Variants in ABCA3 observed in about 807,000 individuals in gnomAD.
ABCA3 encodes the protein ATP binding cassette subfamily A member 3, also known as phospholipid-transporting ATPase ABCA3.
A neutral mutation model predicts 172.8 loss-of-function variants in ABCA3; 88 were observed. The ratio of observed to expected loss-of-function variants is 0.51; its 90% CI spans 0.43 to 0.61. The LOEUF is 0.61. Among genes scored for constraint, ABCA3 ranks in the 20% least tolerant of loss-of-function variants. The probability of loss-of-function intolerance (pLI) is 0.00; values close to 1 mark genes in which losing one functional copy is unlikely to be tolerated. For missense variants in ABCA3, 2,164 were observed against 2,301.0 expected, an observed-to-expected ratio of 0.94 and a Z score of 1.22; for synonymous variants, 1,066 against 983.8, an observed-to-expected ratio of 1.08 and a Z score of -1.56.
chr16:2,319,070 T>C (rs34158278), intron 8 of ABCA3, among the ~76,000 whole-genome samples: 12,779 of 151,928 alleles, frequency 0.084, 1,694 homozygotes, highest in African/African-American at 0.28. Context: ...AGCCTCAAAA[T>C]GAGCCCCTAG....
chr16:2,285,856 T>C lies in ABCA3; in HGVS notation c.3279-210A>G, dbSNP rs2093662310. ...CTCTGGAATTCCTATGCTGACCATG[T>C]GACAATGGCAGCGTCACTCTCCCTC... On this transcript the variant is annotated intron_variant, in intron 22 of 32. Coordinates refer to ENST00000301732, the MANE Select transcript of ABCA3 (RefSeq NM_001089.3). This position sits in a 1 kb window ranked among gnomAD's most constrained non-coding sequence, Gnocchi z 4.7. 1.3e-5 allele frequency among the ~76,000 whole-genome samples: 2 copies of C among 152,046 alleles called. No individual in the cohort carries two copies.
intron 1 of ABCA3, among the ~76,000 whole-genome samples, chr16:2,331,253 G>A (rs376967777): frequency 2.0e-4 from 30 of 151,496 alleles, no homozygotes; most frequent in African/African-American, 6.6e-4. Context: ...TCGCTCTGTC[G>A]CCGAGGCTGG....
At chr16:2,324,850 C>A (rs1236296562) in intron 5 of ABCA3, among the ~76,000 whole-genome samples, 2 of 152,102 alleles carry the variant, frequency 1.3e-5, no homozygotes, top group Non-Finnish European at 2.9e-5. Flanking sequence ...GGCTCTGCAG[C>A]CCGGGGTGGC....
In ABCA3 at chr16:2,281,624, C is replaced by A; in HGVS notation, c.4036-115G>T. 7.6e-7 allele frequency: 1 copy of A among 1,320,850 alleles called. No individual in the cohort carries two copies. Among genetic ancestry groups the A allele is most frequent in the South Asian group, 1.2e-5 (1 of 82,798 alleles). The allele number at this position is 1,320,850 out of a possible 1,614,324, so 81.8% of individuals were successfully genotyped here. On this transcript the variant is annotated intron_variant, in intron 26 of 32. Transcript: ENST00000301732. The surrounding 1 kb of genome is among the most constrained non-coding windows in gnomAD (Gnocchi z 4.7). ...TCTGGTGGGACTAAGGCCTTCAAGG[C>A]TTCTCGTCCCAATCTCAGGCCCCAC...
At chr16:2,296,609 G>A (rs59529146) in intron 17 of ABCA3, among the ~76,000 whole-genome samples, 1 of 152,240 alleles carries the variant, frequency 6.6e-6, no homozygotes, top group Non-Finnish European at 1.5e-5. Context: ...AGTGGGGCAG[G>A]AAGTGGCTAG....
Position 2,317,343 on chromosome 16 carries a change from G to A in ABCA3, c.1051C>T (p.Leu351=), listed in dbSNP as rs374316190. 2 of 1,613,984 alleles carry A rather than the reference G, an allele frequency of 1.2e-6. No homozygotes were observed. The highest frequency in any genetic ancestry group is 1.7e-6 in the Non-Finnish European group (2 of 1,180,042). Residue 351 remains leucine (L), a synonymous_variant, in exon 10 of 33, where the codon CTG becomes TTG. Coordinates refer to ENST00000301732, the MANE Select transcript of ABCA3 (RefSeq NM_001089.3). ...GAGATGGTAGAGATGGCGAAGCACA[G>A]CAGGAAGGCGAGCACCAGGGAGGGG... ...SDPSLVLAFL[L]CFAISTISFS... is the part of the protein sequence containing the mutation.
At position 2,283,219 on chromosome 16, in the gene ABCA3, G is replaced by T. The variant is rs762787180; in HGVS notation, c.4002C>A (p.Gly1334=). ...IETNLLQRLR[G]ILCALRRRRT... is the part of the protein sequence containing the mutation. The stretch of plus-strand genomic sequence containing the variant: ...GCCTCCTCCGGAGGGCGCAGAGGAT[G>T]CCCCTGAGTCTCTGAAGCAGGTTGG... Residue 1334 remains glycine (G), a synonymous_variant, in exon 26 of 33, where the codon GGC becomes GGA. Coordinates refer to ENST00000301732, the MANE Select transcript of ABCA3 (RefSeq NM_001089.3). The surrounding 1 kb of genome is among the most constrained non-coding windows in gnomAD (Gnocchi z 5.4). The T allele has an allele frequency of 1.9e-6, 3 of 1,613,282 alleles. No homozygotes were observed. In the African/African-American group the frequency reaches 4.0e-5, roughly 22 times the overall value.
rs138442198 is a variant in ABCA3, at chr16:2,284,762, G to C, written c.3703+17C>G. Reference sequence around the variant, plus strand: ...GTGGATGGCCATGGGGGCTGCGGGTGGTCTCCAGGTGCCCACCTGGGATGC... The same window carrying C: ...GTGGATGGCCATGGGGGCTGCGGGTCGTCTCCAGGTGCCCACCTGGGATGC... On this transcript the variant is annotated intron_variant, in intron 24 of 32. Coordinates refer to ENST00000301732, the MANE Select transcript of ABCA3 (RefSeq NM_001089.3). The surrounding 1 kb of genome is among the most constrained non-coding windows in gnomAD (Gnocchi z 5.9). 107 of 1,610,650 alleles carry C rather than the reference G, an allele frequency of 6.6e-5. No homozygotes were observed. The African/African-American group carries it at 1.4e-3, about 20-fold the overall frequency.
rs879186745 is a variant in ABCA3 at position 2,332,538 on chromosome 16, C to T, written c.-538-2684G>A. 229 of 1,042,632 alleles carry T rather than the reference C, an allele frequency of 2.2e-4. 3 individuals carry two copies. The highest frequency in any genetic ancestry group is 1.4e-3 in the South Asian group (109 of 76,062). The allele number at this position is 1,042,632 out of a possible 1,614,324, so 64.6% of individuals were successfully genotyped here. On this transcript the variant is annotated intron_variant, in intron 1 of 32. Coordinates refer to ENST00000301732, the MANE Select transcript of ABCA3 (RefSeq NM_001089.3). ...TCTGGGCCACATGACCACCACCCTC[C>T]ACACGGACACGAATGTCCACACCAG... is the stretch of plus-strand genomic sequence containing the variant.
At chr16:2,298,207 G>T (rs323044) in intron 15 of ABCA3, among the ~76,000 whole-genome samples, 179 bp downstream of exon 15, 13 of 141,028 alleles carry the variant, frequency 9.2e-5, no homozygotes, top group Non-Finnish European at 1.4e-4. Context: ...CCTGGCGGGA[G>T]GCCGACCCTG....
At position 2,277,486 on chromosome 16, in the gene ABCA3, G is replaced by T; in HGVS notation, c.4983+111C>A. ...CAGGCTGAGTGTTAGGGGAGAAATG[G>T]AAAGTGACTCCTCTGTGGAAAGAGC... is the stretch of plus-strand genomic sequence containing the variant. On this transcript the variant is annotated intron_variant, in intron 32 of 32. Coordinates refer to ENST00000301732, the MANE Select transcript of ABCA3 (RefSeq NM_001089.3). This position sits in a 1 kb window ranked among gnomAD's most constrained non-coding sequence, Gnocchi z 5.3. 1 of 1,157,114 alleles carries T rather than the reference G, an allele frequency of 8.6e-7. No homozygotes were observed. The highest frequency in any genetic ancestry group is 1.3e-6 in the Non-Finnish European group (1 of 789,446). 71.7% of individuals were successfully genotyped at this position (1,157,114 alleles called of 1,614,324 possible). A position where few individuals can be genotyped will look rare whatever the true frequency, so the allele number is the denominator to read the frequency against.
chr16:2,331,059 AACT>A (rs1168285896), intron 1 of ABCA3, among the ~76,000 whole-genome samples: 1 of 152,114 alleles, frequency 6.6e-6, no homozygotes, highest in Non-Finnish European at 1.5e-5. Flanking sequence ...TCTGTCTTCT[AACT>A]ACTACACTAC....
intron 18 of ABCA3, among the ~76,000 whole-genome samples, chr16:2,293,996 G>T (rs1256191519): frequency 6.6e-6 from 1 of 151,066 alleles, no homozygotes; most frequent in African/African-American, 2.4e-5. Context: ...TTGATTCCCT[G>T]GTTTTTTCTT....
In ABCA3 at chr16:2,324,593, C is replaced by T. The variant is rs1464012482; in HGVS notation, c.320-62G>A. ...TCGGCCCTCCTGCTTGAAAAATCTG[C>T]GTGGTTCAGGTCACTGGCAGATGAA... On this transcript the variant is annotated intron_variant, in intron 5 of 32. Transcript: ENST00000301732. 30 of 1,598,942 alleles carry T rather than the reference C, an allele frequency of 1.9e-5. 1 individual carries two copies. Among genetic ancestry groups the T allele is most frequent in the East Asian group, 1.6e-4 (7 of 44,784 alleles).
At chr16:2,329,061 G>A (rs945384508) in intron 2 of ABCA3, among the ~76,000 whole-genome samples, 5 of 151,062 alleles carry the variant, frequency 3.3e-5, no homozygotes, top group African/African-American at 9.8e-5. Context: ...GCTTTAAAGG[G>A]TAGTCAATAA....
Position 2,287,501 on chromosome 16 carries a change from C to G in ABCA3, c.3004+525G>C, listed in dbSNP as rs1331122934. Among the ~76,000 whole-genome samples, 1 of 152,160 alleles carries G rather than the reference C, an allele frequency of 6.6e-6. No homozygotes were observed. The highest frequency in any genetic ancestry group is 1.5e-5 in the Non-Finnish European group (1 of 68,036). On this transcript the variant is annotated intron_variant, in intron 21 of 32. Transcript: ENST00000301732. This position sits in a 1 kb window ranked among gnomAD's most constrained non-coding sequence, Gnocchi z 4.1. ...CCATGTTGACCAGGCTGGTCTCGAA[C>G]TCCTGACCTCAAGTGATCCACCTGC... is the stretch of plus-strand genomic sequence containing the variant.
chr16:2,276,564 GA>G lies in ABCA3; in HGVS notation c.*109del. ...CCTTGAATTTTTCATATCCATCATA[GA>G]AAAAAGTGATTAAAAATAAAGGATG... On this transcript the variant is annotated 3_prime_UTR_variant, in exon 33 of 33. Transcript: ENST00000301732. 1 of 1,530,056 alleles carries G rather than the reference GA, an allele frequency of 6.5e-7. No individual in the cohort carries two copies. Among genetic ancestry groups the G allele is most frequent in the Admixed American group, 1.9e-5 (1 of 52,900 alleles). 94.8% of individuals were successfully genotyped at this position (1,530,056 alleles called of 1,614,324 possible). A position where few individuals can be genotyped will look rare whatever the true frequency, so the allele number is the denominator to read the frequency against.
In ABCA3 at chr16:2,297,977, G is replaced by A; in HGVS notation, c.1897-56C>T. ...GGGCTCCTGGCGGGAGGCCGACCCT[G>A]GCCAGCGAGGTTCTGGTGAGAGGAA... is the stretch of plus-strand genomic sequence containing the variant. On this transcript the variant is annotated intron_variant, in intron 15 of 32. Coordinates refer to ENST00000301732, the MANE Select transcript of ABCA3 (RefSeq NM_001089.3). This position sits in a 1 kb window ranked among gnomAD's most constrained non-coding sequence, Gnocchi z 5.6. 2 of 1,604,654 alleles carry A rather than the reference G, an allele frequency of 1.2e-6. No individual in the cohort carries two copies. The highest frequency in any genetic ancestry group is 1.7e-6 in the Non-Finnish European group (2 of 1,175,456).
At chr16:2,318,097 C>T (rs186444841) in intron 8 of ABCA3, among the ~76,000 whole-genome samples, 1 of 152,238 alleles carries the variant, frequency 6.6e-6, no homozygotes, top group Non-Finnish European at 1.5e-5. Context: ...GCGGCAGGAG[C>T]CCAGCCCTTC....
Sources: allele counts gnomAD v4.1 joint callset (sites outside exome capture counted in the v4.1 genomes callset), GRCh38; gene constraint gnomAD v4.1.1; non-coding constraint Gnocchi (gnomAD v3.1); transcripts MANE v1.5; gene names NCBI Gene and HGNC (gene_info 2026-07-23, HGNC 2026-07-21).